Variants in CEP85 observed in about 807,000 individuals in gnomAD.
CEP85 encodes centrosomal protein 85.
A neutral mutation model predicts 93.7 loss-of-function variants in CEP85; 58 were observed. The ratio of observed to expected loss-of-function variants is 0.62; its 90% CI spans 0.50 to 0.77. The LOEUF is 0.77. CEP85 is among the 30% of genes least tolerant of loss of function. The pLI is 0.00. For missense variants in CEP85, 868 were observed against 922.0 expected (o/e 0.94, Z 0.76); for synonymous variants, 314 against 338.6 (o/e 0.93, Z 0.80).
chr1:26,270,982 TCAG>T lies in CEP85; in HGVS notation c.1650-31_1650-29del, dbSNP rs1468111663. On this transcript the variant is annotated intron_variant, in intron 9 of 13. Transcript: ENST00000451429. ...GAATCAAAGCCACTTGTGTCTAACTTCAGAGTTCTTGAAGAGGCCACTGTCTTT... is the reference window on the plus strand; with the variant it reads ...GAATCAAAGCCACTTGTGTCTAACTTAGTTCTTGAAGAGGCCACTGTCTTT... The T allele has an allele frequency of 2.9e-6, 4 of 1,374,312 alleles. No homozygotes were observed. In the Admixed American group the frequency reaches 5.1e-5, roughly 18 times the overall value. The allele number at this position is 1,374,312 out of a possible 1,614,324, so 85.1% of individuals were successfully genotyped here. A position where few individuals can be genotyped will look rare whatever the true frequency, so the allele number is the denominator to read the frequency against.
chr1:26,243,318 TTGAGGG>T (rs2089457611), intron 2 of CEP85, among the ~76,000 whole-genome samples: 8 of 110,788 alleles, frequency 7.2e-5, no homozygotes, highest in Non-Finnish European at 1.8e-5. Flanking sequence ...GTGGTCTTGG[TTGAGGG>T]TTGCTGCTGG....
chr1:26,252,325 G>T lies in CEP85; in HGVS notation c.209-2846G>T, dbSNP rs187364642. Among the ~76,000 whole-genome samples, 78 of 152,168 alleles carry T rather than the reference G, an allele frequency of 5.1e-4. 1 individual carries two copies. Among genetic ancestry groups the T allele is most frequent in the Non-Finnish European group, 8.2e-4 (56 of 68,008 alleles). ...AGGCGGGCGGATCACCTGAGGTTGG[G>T]AGTTCAAGACCAGCCTGACCAGCAT... On this transcript the variant is annotated intron_variant, in intron 3 of 13. Transcript: ENST00000451429.
intron 4 of CEP85, among the ~76,000 whole-genome samples, chr1:26,256,928 GGTGTGTGTGT>G (rs71004573): frequency 9.0e-6 from 1 of 111,492 alleles, no homozygotes; most frequent in Admixed American, 9.2e-5. Context: ...GTTTTGTTTT[GGTGTGTGTGT>G]GTGTGTGTGT....
intron 3 of CEP85, among the ~76,000 whole-genome samples, chr1:26,245,793 C>G (rs1028065058): frequency 1.3e-5 from 2 of 152,088 alleles, no homozygotes; most frequent in African/African-American, 4.8e-5. Flanking sequence ...GAATGAGTTT[C>G]TTAAAGTCAC....
chr1:26,247,679 C>T (rs924704906), intron 3 of CEP85, among the ~76,000 whole-genome samples: 5 of 151,934 alleles, frequency 3.3e-5, no homozygotes, highest in Non-Finnish European at 7.4e-5. Flanking sequence ...CTCTTTTTGT[C>T]ACCCAGGCTT....
At chr1:26,244,841 A>G (rs1275933531) in intron 3 of CEP85, among the ~76,000 whole-genome samples, 1 of 152,026 alleles carries the variant, frequency 6.6e-6, no homozygotes, top group Non-Finnish European at 1.5e-5. Flanking sequence ...ACTTTCTGAT[A>G]GGTTAATTGG....
At chr1:26,243,061 A>G (rs2089452360) in intron 2 of CEP85, among the ~76,000 whole-genome samples, 3 of 151,836 alleles carry the variant, frequency 2.0e-5, no homozygotes, top group South Asian at 4.2e-4. Context: ...TTGACTTTCA[A>G]AACTCACCTT....
At chr1:26,271,925 A>C in intron 10 of CEP85, 96 bp from the exon 11 acceptor site, 2 of 1,006,090 alleles carry the variant, frequency 2.0e-6, no homozygotes, top group South Asian at 1.3e-5. Flanking sequence ...TTAATGGTCT[A>C]ATAGCCAGAC....
chr1:26,273,120 T>C (rs182825850), intron 11 of CEP85, among the ~76,000 whole-genome samples: 1 of 152,138 alleles, frequency 6.6e-6, no homozygotes, highest in East Asian at 1.9e-4. Flanking sequence ...TAAGTGACTT[T>C]AGGAGGTAAC....
chr1:26,276,506 T>A (rs971863974), intron 12 of CEP85, 29 bp from the exon 13 acceptor site: 3 of 1,565,004 alleles, frequency 1.9e-6, no homozygotes, highest in Non-Finnish European at 1.8e-6. Context: ...TGGGCCTGAG[T>A]TAATGTGCTT....
intron 4 of CEP85, 54 bp downstream of exon 4, chr1:26,255,919 G>A: frequency 7.0e-7 from 1 of 1,436,398 alleles, no homozygotes; most frequent in South Asian, 1.4e-5. Flanking sequence ...TCTTAGAATT[G>A]TAATAGCTTT....
chr1:26,256,855 C>T (rs1247187191), intron 4 of CEP85, among the ~76,000 whole-genome samples: 2 of 151,156 alleles, frequency 1.3e-5, no homozygotes, highest in African/African-American at 4.9e-5. Context: ...CCTCAGCCTC[C>T]GAAAGTGCTG....
intron 1 of CEP85, among the ~76,000 whole-genome samples, chr1:26,238,955 T>C (rs755860490): frequency 2.6e-5 from 4 of 152,210 alleles, no homozygotes; most frequent in Non-Finnish European, 5.9e-5. Context: ...CCCATCTTTT[T>C]ACATCGTATG....
chr1:26,242,133 CAAAT>C (rs1210296131), intron 2 of CEP85, among the ~76,000 whole-genome samples: 1 of 151,858 alleles, frequency 6.6e-6, no homozygotes, highest in Non-Finnish European at 1.5e-5. Flanking sequence ...ATATTTTTAA[CAAAT>C]AACTCTTTGG....
chr1:26,258,376 T>G (rs932110119), intron 6 of CEP85, 116 bp downstream of exon 6: 1 of 717,180 alleles, frequency 1.4e-6, no homozygotes, highest in African/African-American at 1.8e-5. Context: ...TAAGTGTCCC[T>G]GCCCTCAAAG....
At chr1:26,262,704 G>A (rs1164131221) in intron 7 of CEP85, among the ~76,000 whole-genome samples, 3 of 152,166 alleles carry the variant, frequency 2.0e-5, no homozygotes, top group African/African-American at 7.2e-5. Context: ...AACGGCACCT[G>A]CAACACACTC....
intron 13 of CEP85, 52 bp downstream of exon 13, chr1:26,276,812 TCTC>T (rs760265947): frequency 6.6e-5 from 91 of 1,375,110 alleles, no homozygotes; most frequent in Non-Finnish European, 9.0e-5. Flanking sequence ...TTCTTTCTCT[TCTC>T]TCCCCCATCC....
intron 7 of CEP85, among the ~76,000 whole-genome samples, chr1:26,262,644 ACTT>A (rs2089829827): frequency 6.6e-6 from 1 of 152,228 alleles, no homozygotes; most frequent in African/African-American, 2.4e-5. Context: ...GCAGTTCCCT[ACTT>A]CTTGCAGCAA....
At chr1:26,240,490 T>C (rs1192678153) in intron 2 of CEP85, among the ~76,000 whole-genome samples, 1 of 152,134 alleles carries the variant, frequency 6.6e-6, no homozygotes, top group Non-Finnish European at 1.5e-5. Context: ...ATGTAAATGC[T>C]ATGTAAATAG....
Sources: gnomAD v4.1 joint callset for allele counts (sites outside exome capture counted in the v4.1 genomes callset) on GRCh38, gnomAD v4.1.1 for gene constraint, MANE v1.5 for transcripts, NCBI Gene and HGNC (gene_info 2026-07-23, HGNC 2026-07-21) for gene names.